Variants in PTK2 observed in about 807,000 individuals in gnomAD.
PTK2 encodes the protein protein tyrosine kinase 2.
PTK2 carries 45 observed loss-of-function variants against 150.1 expected under a neutral mutation model. The ratio of observed to expected loss-of-function variants is 0.30; its 90% CI spans 0.24 to 0.38. PTK2 has a LOEUF of 0.38. Ranked by LOEUF, PTK2 falls within the 10% of genes least tolerant of loss-of-function variation. The probability of loss-of-function intolerance (pLI) is 1.00; values close to 1 mark genes in which losing one functional copy is unlikely to be tolerated. For synonymous variants in PTK2, 432 were observed against 449.2 expected (o/e 0.96, Z 0.48); for missense variants, 919 against 1,307.3 (o/e 0.70, Z 4.58).
chr8:140,975,531 T>A (rs1178831566), intron 1 of PTK2, among the ~76,000 whole-genome samples: 1 of 152,120 alleles, frequency 6.6e-6, no homozygotes, highest in East Asian at 1.9e-4. Context: ...GGTCACCACA[T>A]CTAGTCCACA....
chr8:140,759,530 TAA>T (rs761643170), intron 16 of PTK2, among the ~76,000 whole-genome samples: 5 of 58,074 alleles, frequency 8.6e-5, no homozygotes, highest in East Asian at 5.3e-4. Flanking sequence ...GACCCTGTCC[TAA>T]AAAAAAAAAA....
At chr8:140,892,600 T>G in intron 2 of PTK2, 1 of 461,212 alleles carries the variant, frequency 2.2e-6, no homozygotes, top group South Asian at 1.6e-5. Flanking sequence ...AAAGCATAAA[T>G]AATACCTTTT....
intron 14 of PTK2, among the ~76,000 whole-genome samples, chr8:140,788,951 A>G (rs1397646524): frequency 6.6e-6 from 1 of 152,172 alleles, no homozygotes; most frequent in South Asian, 2.1e-4. Context: ...GAAAAAAGGC[A>G]TATCTATTTT....
At chr8:140,690,177 C>T (rs1046892795) in intron 26 of PTK2, among the ~76,000 whole-genome samples, 1 of 151,978 alleles carries the variant, frequency 6.6e-6, no homozygotes, top group African/African-American at 2.4e-5. Context: ...TGGTCTCGAT[C>T]ACCTGACCTC....
At chr8:140,694,200 C>T (rs2100025041) in intron 26 of PTK2, among the ~76,000 whole-genome samples, 1 of 151,956 alleles carries the variant, frequency 6.6e-6, no homozygotes, top group African/African-American at 2.4e-5. Flanking sequence ...GCCACTACGC[C>T]CAGCTAATTT....
intron 8 of PTK2, among the ~76,000 whole-genome samples, chr8:140,826,447 C>G (rs1481839556): frequency 6.6e-6 from 1 of 152,158 alleles, no homozygotes; most frequent in Non-Finnish European, 1.5e-5. Flanking sequence ...CTATTGGGTA[C>G]ACAAAATTAC....
At chr8:140,679,665 C>T (rs1017363660) in intron 27 of PTK2, among the ~76,000 whole-genome samples, 2 of 152,180 alleles carry the variant, frequency 1.3e-5, no homozygotes, top group Non-Finnish European at 2.9e-5. Flanking sequence ...ACTGGGTTGT[C>T]ATCACAAAAT....
At chr8:140,712,991 T>C (rs1004775382) in intron 23 of PTK2, among the ~76,000 whole-genome samples, 2 of 152,216 alleles carry the variant, frequency 1.3e-5, no homozygotes, top group African/African-American at 4.8e-5. Context: ...AAAAAGTGTT[T>C]AGTCCAGCTT....
intron 3 of PTK2, among the ~76,000 whole-genome samples, chr8:140,886,777 T>C (rs527507933): frequency 4.6e-5 from 7 of 152,352 alleles, no homozygotes; most frequent in Admixed American, 1.3e-4. Context: ...CCTGAGCCCT[T>C]TGAAGATACT....
exon 32 of PTK2, chr8:140,659,503 G>A (rs1428933882): frequency 1.2e-6 from 2 of 1,613,288 alleles, no homozygotes; most frequent in Admixed American, 3.3e-5. Flanking sequence ...TTTCAGTCTT[G>A]CTTGGTCAAT....
chr8:140,855,758 G>A (rs1289032935), intron 5 of PTK2, among the ~76,000 whole-genome samples: 1 of 152,150 alleles, frequency 6.6e-6, no homozygotes, highest in Non-Finnish European at 1.5e-5. Context: ...GTAGAATGGT[G>A]GTTGCCAGGG....
Position 140,659,363 on chromosome 8 carries a change from G to GT in PTK2, c.*102dup, listed in dbSNP as rs2076126286. On this transcript the variant is annotated 3_prime_UTR_variant, in exon 32 of 32. Coordinates refer to ENST00000522684, the Ensembl canonical transcript of PTK2. ...ATGGTCATTCAAAAAAGTTGGAGCT[G>GT]TAAGTGCTGGCGACTGAGGACACAG... The GT allele has an allele frequency of 9.0e-6, 9 of 994,564 alleles. 1 individual carries two copies. The South Asian group carries it at 1.5e-4, about 16-fold the overall frequency. 61.6% of individuals were successfully genotyped at this position (994,564 alleles called of 1,614,324 possible).
intron 2 of PTK2, among the ~76,000 whole-genome samples, chr8:140,901,649 C>CTTT (rs556569172): frequency 1.5e-5 from 2 of 136,590 alleles, no homozygotes; most frequent in East Asian, 2.1e-4. Context: ...AAGATCCTGT[C>CTTT]TTTTTTTTTT....
chr8:140,759,785 G>A (rs2100068272), intron 16 of PTK2, among the ~76,000 whole-genome samples: 1 of 151,994 alleles, frequency 6.6e-6, no homozygotes, highest in African/African-American at 2.4e-5. Flanking sequence ...CGAGGCCACG[G>A]TGAGCCATGA....
intron 1 of PTK2, among the ~76,000 whole-genome samples, chr8:140,946,368 G>C (rs1204187894): frequency 2.0e-5 from 3 of 152,118 alleles, no homozygotes; most frequent in Middle Eastern, 3.2e-3. Flanking sequence ...AACAAAAACT[G>C]TTCTAGAACT....
At chr8:140,717,604 C>T (rs759165150) in exon 23 of PTK2, 15 of 1,612,106 alleles carry the variant, frequency 9.3e-6, no homozygotes, top group South Asian at 3.3e-5. Context: ...CTACCTTGGG[C>T]GGTGCTTCAT....
At chr8:140,872,345 C>T (rs373695408) in intron 4 of PTK2, among the ~76,000 whole-genome samples, 2 of 152,088 alleles carry the variant, frequency 1.3e-5, no homozygotes, top group Non-Finnish European at 2.9e-5. Context: ...ACGCCTGGCC[C>T]GCTGCATGCT....
intron 22 of PTK2, among the ~76,000 whole-genome samples, chr8:140,722,004 G>A (rs2100043159): frequency 6.6e-6 from 1 of 152,204 alleles, no homozygotes; most frequent in South Asian, 2.1e-4. Context: ...CAAATGCTCA[G>A]AATTAGCACA....
At chr8:140,735,173 T>C (rs2100051859) in intron 22 of PTK2, 78 bp downstream of exon 25, 1 of 1,382,870 alleles carries the variant, frequency 7.2e-7, no homozygotes, top group South Asian at 1.2e-5. Context: ...ATAATGACCT[T>C]AAAATGCTAT....
Sources: gnomAD v4.1 joint callset for allele counts (sites outside exome capture counted in the v4.1 genomes callset) on GRCh38, gnomAD v4.1.1 for gene constraint, MANE v1.5 for transcripts, NCBI Gene and HGNC (gene_info 2026-07-23, HGNC 2026-07-21) for gene names.